HACE1: variants seen among roughly 807,000 people sequenced by gnomAD.
HACE1 encodes the protein E3 ubiquitin-protein ligase HACE1.
A neutral mutation model predicts 118.4 loss-of-function variants in HACE1; 73 were observed. That is an observed-to-expected ratio of 0.62 (90% CI 0.51 to 0.75). The LOEUF is 0.75. Ranked by LOEUF, HACE1 falls within the 30% of genes least tolerant of loss-of-function variation. The pLI is 0.00. For synonymous variants in HACE1, 368 were observed against 374.8 expected (o/e 0.98, Z 0.21); for missense variants, 749 against 1,102.2 (o/e 0.68, Z 4.54).
chr6:104,777,556 C>T (rs1285206454), intron 14 of HACE1, among the ~76,000 whole-genome samples: 1 of 152,106 alleles, frequency 6.6e-6, no homozygotes, highest in Non-Finnish European at 1.5e-5. Context: ...ATTTTCAACA[C>T]AAAAGACTTG....
intron 22 of HACE1, among the ~76,000 whole-genome samples, chr6:104,738,338 GAGA>G (rs1390172394): frequency 1.3e-5 from 2 of 151,774 alleles, no homozygotes; most frequent in East Asian, 3.9e-4. Flanking sequence ...GATGAGCTGA[GAGA>G]AGAAGGCTTC....
rs1318064063 is a variant in HACE1, at chr6:104,818,609, T to G, written c.535-7216A>C. ...AAAAATGTCAGACCAATATCCTTGATGAAATTGATGCAAAAATCCCTAACA... is the reference window on the plus strand; with the variant it reads ...AAAAATGTCAGACCAATATCCTTGAGGAAATTGATGCAAAAATCCCTAACA... On this transcript the variant is annotated intron_variant, in intron 6 of 23. Transcript: ENST00000262903. 2.6e-5 allele frequency among the ~76,000 whole-genome samples: 4 copies of G among 152,156 alleles called. No individual in the cohort carries two copies. The East Asian group carries it at 7.7e-4, about 29-fold the overall frequency.
chr6:104,786,636 A>C (rs1428336412), intron 11 of HACE1: 1 of 149,484 alleles, frequency 6.7e-6, no homozygotes, highest in Non-Finnish European at 1.5e-5. Context: ...AAACAAACAA[A>C]AAAAAAAACC....
At chr6:104,735,630 C>CA (rs1158162519) in intron 22 of HACE1, among the ~76,000 whole-genome samples, 276 of 130,112 alleles carry the variant, frequency 2.1e-3, no homozygotes, top group East Asian at 5.0e-3. Flanking sequence ...GACTCCGTCT[C>CA]AAAAAAAAAA....
Position 104,852,228 on chromosome 6 carries a change from T to TGTGTGTGTGTGTGCGC in HACE1, c.131+88_131+89insGCGCACACACACACAC, listed in dbSNP as rs142463116. The TGTGTGTGTGTGTGCGC allele has an allele frequency of 3.6e-5, 24 of 661,278 alleles. No individual in the cohort carries two copies. The African/African-American group carries it at 5.1e-4, about 14-fold the overall frequency. The allele number at this position is 661,278 out of a possible 1,614,324, so 41.0% of individuals were successfully genotyped here. A position where few individuals can be genotyped will look rare whatever the true frequency, so the allele number is the denominator to read the frequency against. On this transcript the variant is annotated intron_variant, in intron 2 of 23. Transcript: ENST00000262903. ...GTGTGTGTGTGTGTGTGTGTGTGTGTGCGCGCGTGCGCGTGCACGGGCATG... is the reference window on the plus strand; with the variant it reads ...GTGTGTGTGTGTGTGTGTGTGTGTGTGTGTGTGTGTGTGCGCGCGCGCGTGCGCGTGCACGGGCATG...
rs1438531227 is a variant in HACE1 at position 104,796,197 on chromosome 6, A to G, written c.816+458T>C. 3.3e-5 allele frequency among the ~76,000 whole-genome samples: 5 copies of G among 152,134 alleles called. No individual in the cohort carries two copies. The East Asian group carries it at 7.7e-4, about 24-fold the overall frequency. ...ATGATCTCGGCTCACTGCAGGCTCA[A>G]CCTCCTGGGCTCAATCCCTCCTCCC... On this transcript the variant is annotated intron_variant, in intron 9 of 23. Transcript: ENST00000262903.
chr6:104,732,983 T>C (rs1582553028), intron 22 of HACE1, among the ~76,000 whole-genome samples: 1 of 152,168 alleles, frequency 6.6e-6, no homozygotes, highest in African/African-American at 2.4e-5. Context: ...CAAGAGAATA[T>C]ATACAGAAGA....
At chr6:104,737,452 C>T (rs952448723) in intron 22 of HACE1, among the ~76,000 whole-genome samples, 28 of 152,022 alleles carry the variant, frequency 1.8e-4, no homozygotes, top group Non-Finnish European at 8.8e-5. Flanking sequence ...AGACAGTGGG[C>T]GCAGGTCAGT....
At chr6:104,840,121 A>G (rs1249782534) in intron 5 of HACE1, among the ~76,000 whole-genome samples, 8 of 152,176 alleles carry the variant, frequency 5.3e-5, no homozygotes, top group Admixed American at 5.2e-4. Flanking sequence ...ACTGGAGGAA[A>G]CTCGGCAAAA....
rs1284541730 is a variant in HACE1, at chr6:104,775,371, G to A, written c.1864+1370C>T. On this transcript the variant is annotated intron_variant, in intron 17 of 23. Coordinates refer to ENST00000262903, the MANE Select transcript of HACE1 (RefSeq NM_020771.4). The stretch of plus-strand genomic sequence containing the variant: ...TGCCCTCTAGCCTGGGTGACAGAGC[G>A]AGACTCTGTCTCAAAGAAAAAAAAA... 2.6e-5 allele frequency among the ~76,000 whole-genome samples: 4 copies of A among 151,436 alleles called. No homozygotes were observed. The South Asian group carries it at 6.3e-4, about 24-fold the overall frequency.
At chr6:104,798,414 A>G (rs56218274) in intron 7 of HACE1, among the ~76,000 whole-genome samples, 22,743 of 152,192 alleles carry the variant, frequency 0.15, 1,731 homozygotes, top group Middle Eastern at 0.22. Flanking sequence ...AAAACTTAAT[A>G]GTATCCTACT....
rs1335354320 is a variant in HACE1 at position 104,771,359 on chromosome 6, G to A, written c.2045C>T (p.Ser682Phe). ...GIPVNYQDVA[S>F]IDPEYAKNLQ... The stretch of plus-strand genomic sequence containing the variant: ...ATTTTTCGCATATTCTGGATCAATG[G>A]ATGCCACATCTTGGTAATTTACAGG... The change falls in exon 19 of 24, where the codon TCC (serine) becomes TTC (phenylalanine). Residue 682 changes from serine (S) to phenylalanine (F), a missense_variant. Transcript: ENST00000262903. 6.2e-7 allele frequency: 1 copy of A among 1,612,206 alleles called. No homozygotes were observed. The highest frequency in any genetic ancestry group is 8.5e-7 in the Non-Finnish European group (1 of 1,178,410).
intron 1 of HACE1, among the ~76,000 whole-genome samples, chr6:104,857,103 T>G (rs1185083664): frequency 6.6e-6 from 1 of 150,726 alleles, no homozygotes; most frequent in Admixed American, 6.6e-5. Flanking sequence ...CATTCAGCTC[T>G]TAAAATGTAA....
chr6:104,850,451 CA>C (rs1776090690), intron 3 of HACE1, among the ~76,000 whole-genome samples: 1 of 152,164 alleles, frequency 6.6e-6, no homozygotes, highest in African/African-American at 2.4e-5. Flanking sequence ...AATTTCAACA[CA>C]TCTACCTAAA....
intron 14 of HACE1, among the ~76,000 whole-genome samples, chr6:104,779,541 T>C (rs1158427060): frequency 2.0e-5 from 3 of 152,194 alleles, no homozygotes; most frequent in Non-Finnish European, 2.9e-5. Flanking sequence ...TATGCATTAC[T>C]GTGCATATAA....
At chr6:104,806,868 G>C (rs1298765717) in intron 7 of HACE1, among the ~76,000 whole-genome samples, 1 of 151,822 alleles carries the variant, frequency 6.6e-6, no homozygotes, top group African/African-American at 2.4e-5. Context: ...CCCTAACTTT[G>C]GACTCTTTCA....
In HACE1 at chr6:104,832,981, T is replaced by C. The variant is rs182634116; in HGVS notation, c.534+61A>G. ...CCAAATATGCACAATGAAAAACTTT[T>C]CATGAAATCAATTTTAAAAAACAAA... On this transcript the variant is annotated intron_variant, in intron 6 of 23. Transcript: ENST00000262903. 2,506 of 1,483,234 alleles carry C rather than the reference T, an allele frequency of 1.7e-3. 4 individuals are homozygous for C. The highest frequency in any genetic ancestry group is 2.2e-3 in the Non-Finnish European group (2,323 of 1,061,794). The allele number at this position is 1,483,234 out of a possible 1,614,324, so 91.9% of individuals were successfully genotyped here. A position where few individuals can be genotyped will look rare whatever the true frequency, so the allele number is the denominator to read the frequency against.
chr6:104,807,456 T>A (rs907308609), intron 7 of HACE1, among the ~76,000 whole-genome samples: 3 of 152,188 alleles, frequency 2.0e-5, no homozygotes, highest in African/African-American at 7.2e-5. Flanking sequence ...TAAAACTCCA[T>A]TAACATCTTA....
chr6:104,740,678 A>T (rs200117589), intron 22 of HACE1, among the ~76,000 whole-genome samples: 2,856 of 149,058 alleles, frequency 0.019, 38 homozygotes, highest in East Asian at 0.052. Flanking sequence ...ATAGCTTACC[A>T]ACCAAAAAGA....
Sources: gnomAD v4.1 joint callset for allele counts (sites outside exome capture counted in the v4.1 genomes callset) on GRCh38, gnomAD v4.1.1 for gene constraint, MANE v1.5 for transcripts, NCBI Gene and HGNC (gene_info 2026-07-23, HGNC 2026-07-21) for gene names.